The following DPP6 variants were observed in gnomAD, a reference collection of about 807,000 sequenced individuals.
DPP6 encodes the protein A-type potassium channel modulatory protein DPP6.
DPP6 carries 69 observed loss-of-function variants against 122.6 expected under a neutral mutation model. The ratio of observed to expected loss-of-function variants is 0.56; its 90% CI spans 0.46 to 0.69. The LOEUF is 0.69. Ranked by LOEUF, DPP6 falls within the 30% of genes least tolerant of loss-of-function variation. The pLI, the probability that DPP6 is intolerant of heterozygous loss-of-function variation, is 0.00. For missense variants in DPP6, 928 were observed against 1,116.9 expected (o/e 0.83, Z 2.41); for synonymous variants, 418 against 433.1 (o/e 0.97, Z 0.43).
chr7:154,226,697 A>G (rs1800623891), intron 1 of DPP6, among the ~76,000 whole-genome samples: 2 of 152,200 alleles, frequency 1.3e-5, no homozygotes, highest in Admixed American at 1.3e-4. Context: ...TCAAAAATCC[A>G]TAATTAATGC....
chr7:154,062,018 G>T (rs866570677), intron 1 of DPP6, among the ~76,000 whole-genome samples: 31,861 of 96,158 alleles, frequency 0.33, 5,454 homozygotes, highest in South Asian at 0.4. Context: ...CATCGCAGGG[G>T]GGGGGAGGCA....
intron 10 of DPP6, among the ~76,000 whole-genome samples, chr7:154,789,521 A>C (rs1480937826): frequency 1.3e-5 from 2 of 152,068 alleles, no homozygotes; most frequent in African/African-American, 4.8e-5. Context: ...GCAGTTAGAG[A>C]TTTTCAACAT....
chr7:154,516,556 C>T (rs188525867), intron 3 of DPP6, among the ~76,000 whole-genome samples: 29 of 152,190 alleles, frequency 1.9e-4, no homozygotes, highest in African/African-American at 6.7e-4. Context: ...AACAACCAGG[C>T]AAATCTATCT....
At position 154,528,774 on chromosome 7, in the gene DPP6, AAGG is replaced by A. The variant is rs1229588900; in HGVS notation, c.458-11757_458-11755del. On this transcript the variant is annotated intron_variant, in intron 3 of 25. Transcript: ENST00000377770. Reference sequence around the variant, plus strand: ...AGAGAGAGATTAATTCTGCCTGGAAAAGGCATGAAAACTGTACAAGGGAGTTGG... The same window carrying A: ...AGAGAGAGATTAATTCTGCCTGGAAACATGAAAACTGTACAAGGGAGTTGG... Among the ~76,000 whole-genome samples, 8 of 152,374 alleles carry A rather than the reference AAGG, an allele frequency of 5.3e-5. No homozygotes were observed. The South Asian group carries it at 1.7e-3, about 32-fold the overall frequency.
intron 1 of DPP6, among the ~76,000 whole-genome samples, chr7:153,984,875 G>T (rs1240131268): frequency 2.0e-5 from 3 of 152,236 alleles, no homozygotes; most frequent in Non-Finnish European, 2.9e-5. Context: ...GCATCTTCCA[G>T]TCTCATCTCT....
At chr7:154,252,213 C>CGTGTGTGTGTGT (rs141850746) in intron 1 of DPP6, among the ~76,000 whole-genome samples, 7 of 150,574 alleles carry the variant, frequency 4.6e-5, no homozygotes, top group African/African-American at 9.7e-5. Flanking sequence ...CACAATGTCA[C>CGTGTGTGTGTGT]GTGTGTGTGT....
chr7:154,185,536 G>A (rs924791867), intron 1 of DPP6, among the ~76,000 whole-genome samples: 1 of 152,130 alleles, frequency 6.6e-6, no homozygotes, highest in Non-Finnish European at 1.5e-5. Flanking sequence ...CTGGAATAAC[G>A]TGATGGGTAG....
At chr7:154,146,614 G>T (rs1362723518) in intron 1 of DPP6, among the ~76,000 whole-genome samples, 1 of 152,252 alleles carries the variant, frequency 6.6e-6, no homozygotes, top group Non-Finnish European at 1.5e-5. Flanking sequence ...GTCTGGCTCA[G>T]ACTCATGTTG....
At chr7:154,129,170 G>A (rs1212867426) in intron 1 of DPP6, among the ~76,000 whole-genome samples, 1 of 152,022 alleles carries the variant, frequency 6.6e-6, no homozygotes, top group Non-Finnish European at 1.5e-5. Flanking sequence ...ATGTCAGAGA[G>A]GAAGATTATA....
intron 1 of DPP6, among the ~76,000 whole-genome samples, chr7:154,278,287 C>G (rs1395755673): frequency 6.6e-6 from 1 of 152,174 alleles, no homozygotes; most frequent in Non-Finnish European, 1.5e-5. Flanking sequence ...AACTCAGAAC[C>G]CTTTGACTGA....
intron 5 of DPP6, among the ~76,000 whole-genome samples, chr7:154,591,202 G>A (rs768655100): frequency 1.3e-5 from 2 of 152,230 alleles, no homozygotes; most frequent in East Asian, 1.9e-4. Context: ...ACAGCCACAC[G>A]TTTCCCCCTC....
At chr7:154,705,682 C>G (rs927720449) in intron 7 of DPP6, among the ~76,000 whole-genome samples, 2 of 152,236 alleles carry the variant, frequency 1.3e-5, no homozygotes, top group Non-Finnish European at 2.9e-5. Flanking sequence ...GGCTCCCAGA[C>G]AGCCCCTGAG....
At chr7:154,840,126 T>A (rs534612308) in intron 16 of DPP6, among the ~76,000 whole-genome samples, 2 of 152,288 alleles carry the variant, frequency 1.3e-5, no homozygotes, top group East Asian at 3.9e-4. Context: ...TGATTTTGTA[T>A]CACAGGTAGC....
chr7:154,163,727 C>T (rs1297043157), intron 1 of DPP6, among the ~76,000 whole-genome samples: 2 of 152,104 alleles, frequency 1.3e-5, no homozygotes, highest in Admixed American at 6.5e-5. Flanking sequence ...CCTGTAAGAG[C>T]AGGTTTGGAA....
chr7:154,734,987 G>T (rs1031419478), intron 8 of DPP6, among the ~76,000 whole-genome samples: 1 of 152,146 alleles, frequency 6.6e-6, no homozygotes, highest in Non-Finnish European at 1.5e-5. Flanking sequence ...CCCAAACTCG[G>T]TAAAATAAGA....
chr7:154,449,765 T>C (rs1323252793), intron 2 of DPP6, among the ~76,000 whole-genome samples: 1 of 151,984 alleles, frequency 6.6e-6, no homozygotes, highest in Non-Finnish European at 1.5e-5. Context: ...CCCAGCACTT[T>C]GGGAGGCCAA....
chr7:154,285,664 G>T (rs936816812), intron 1 of DPP6, among the ~76,000 whole-genome samples: 2 of 152,162 alleles, frequency 1.3e-5, no homozygotes, highest in East Asian at 3.8e-4. Flanking sequence ...CAGGCCACAT[G>T]GCCACCTAAG....
intron 1 of DPP6, among the ~76,000 whole-genome samples, chr7:154,409,474 G>A (rs896755978): frequency 2.6e-5 from 4 of 152,132 alleles, no homozygotes; most frequent in African/African-American, 4.8e-5. Context: ...TATTATGGTA[G>A]CCTTAGAAAC....
At chr7:154,464,801 T>A (rs1821644348) in intron 2 of DPP6, among the ~76,000 whole-genome samples, 1 of 152,206 alleles carries the variant, frequency 6.6e-6, no homozygotes, top group Non-Finnish European at 1.5e-5. Flanking sequence ...ACAAAATGAA[T>A]GCCTGCACAA....
Sources: allele counts gnomAD v4.1 joint callset (sites outside exome capture counted in the v4.1 genomes callset), GRCh38; gene constraint gnomAD v4.1.1; transcripts MANE v1.5; gene names NCBI Gene and HGNC (gene_info 2026-07-23, HGNC 2026-07-21).